The following BACH2 variants were observed in gnomAD, a reference collection of about 807,000 sequenced individuals.
BACH2 encodes the protein transcription regulator protein BACH2.
A neutral mutation model predicts 61.8 loss-of-function variants in BACH2; 5 were observed. The ratio of observed to expected loss-of-function variants is 0.08; its 90% CI spans 0.04 to 0.17. BACH2 has a LOEUF of 0.17. BACH2 is among the 10% of genes least tolerant of loss of function. The probability of loss-of-function intolerance (pLI) is 1.00; values close to 1 mark genes in which losing one functional copy is unlikely to be tolerated. For missense variants in BACH2, 824 were observed against 1,091.1 expected (o/e 0.76, Z 3.45); for synonymous variants, 446 against 440.1 (o/e 1.01, Z -0.17).
At chr6:90,056,150 T>A (rs1448663171) in intron 5 of BACH2, among the ~76,000 whole-genome samples, 2 of 152,202 alleles carry the variant, frequency 1.3e-5, no homozygotes, top group African/African-American at 4.8e-5. Flanking sequence ...ATGGGCTAAA[T>A]GCTCCAATTA....
At chr6:90,199,224 T>G (rs1562499954) in intron 4 of BACH2, among the ~76,000 whole-genome samples, 1 of 152,176 alleles carries the variant, frequency 6.6e-6, no homozygotes, top group African/African-American at 2.4e-5. Flanking sequence ...GATTTGGTGG[T>G]GAGCCATGCA....
chr6:90,295,650 G>A (rs1772324393), intron 1 of BACH2, among the ~76,000 whole-genome samples: 2 of 135,846 alleles, frequency 1.5e-5, no homozygotes, highest in African/African-American at 6.2e-5. Context: ...AGACTGGAGT[G>A]TAGGGTGTGT....
chr6:90,131,803 G>A (rs1357365567), intron 4 of BACH2, among the ~76,000 whole-genome samples: 1 of 152,172 alleles, frequency 6.6e-6, no homozygotes. Flanking sequence ...GAGGTCAGTG[G>A]GCCAGCTGCC....
intron 4 of BACH2, among the ~76,000 whole-genome samples, chr6:90,183,996 C>T (rs904586642): frequency 5.9e-5 from 9 of 152,168 alleles, no homozygotes; most frequent in Non-Finnish European, 1.3e-4. Flanking sequence ...CTATGTTAGA[C>T]AGGTGAGGAA....
intron 5 of BACH2, among the ~76,000 whole-genome samples, chr6:90,023,234 G>A (rs1285236447): frequency 6.6e-6 from 1 of 152,188 alleles, no homozygotes; most frequent in Non-Finnish European, 1.5e-5. Flanking sequence ...CAAATCTCAT[G>A]TTCAATTGTA....
chr6:89,986,109 G>A (rs751892606), intron 6 of BACH2, among the ~76,000 whole-genome samples: 135 of 152,272 alleles, frequency 8.9e-4, no homozygotes, highest in Non-Finnish European at 1.5e-3. Flanking sequence ...TGGCGGCGGC[G>A]AACTGAACTC....
chr6:90,043,352 G>C (rs953975903), intron 5 of BACH2, among the ~76,000 whole-genome samples: 2 of 152,090 alleles, frequency 1.3e-5, no homozygotes, highest in African/African-American at 2.4e-5. Context: ...TGTTATAACA[G>C]GAGTGGGTCT....
chr6:89,958,077 CCCTATTTGTAAGTTTTACT>C (rs1193181414), intron 6 of BACH2, among the ~76,000 whole-genome samples: 3 of 152,080 alleles, frequency 2.0e-5, no homozygotes, highest in African/African-American at 7.2e-5. Flanking sequence ...AAAATCCTTC[CCCTATTTGTAAGTTTTACT>C]CCTGAGACTC....
intron 6 of BACH2, among the ~76,000 whole-genome samples, chr6:89,972,949 G>A (rs1035442953): frequency 6.6e-6 from 1 of 152,156 alleles, no homozygotes; most frequent in Admixed American, 6.5e-5. Context: ...AATTAGCTGG[G>A]CATGGTGGCG....
In BACH2 at chr6:90,008,944, A is replaced by G; in HGVS notation, c.-12-88T>C. The stretch of plus-strand genomic sequence containing the variant: ...TCAGAGAGAGGAGGTGAGAAAGAAC[A>G]TCATGGTTCCTGTGTCCCACTGCCA... On this transcript the variant is annotated intron_variant, in intron 5 of 8. Coordinates refer to ENST00000257749, the MANE Select transcript of BACH2 (RefSeq NM_021813.4). This position sits in a 1 kb window ranked among gnomAD's most constrained non-coding sequence, Gnocchi z 4.1. 6.8e-7 allele frequency: 1 copy of G among 1,478,354 alleles called. No individual in the cohort carries two copies. Among genetic ancestry groups the G allele is most frequent in the Non-Finnish European group, 9.1e-7 (1 of 1,101,838 alleles). 91.6% of individuals were successfully genotyped at this position (1,478,354 alleles called of 1,614,324 possible). A position where few individuals can be genotyped will look rare whatever the true frequency, so the allele number is the denominator to read the frequency against.
intron 1 of BACH2, among the ~76,000 whole-genome samples, chr6:90,286,014 G>GT (rs1431309403): frequency 2.0e-5 from 3 of 152,176 alleles, no homozygotes; most frequent in Non-Finnish European, 4.4e-5. Context: ...TCAAAAAGAA[G>GT]TAACAACTAA....
chr6:90,294,973 T>A (rs1267450904), intron 1 of BACH2, among the ~76,000 whole-genome samples: 1 of 152,252 alleles, frequency 6.6e-6, no homozygotes, highest in Non-Finnish European at 1.5e-5. Context: ...AGGAAAGGAT[T>A]TTTATCTAAA....
At chr6:89,996,635 C>T (rs926293915) in intron 6 of BACH2, among the ~76,000 whole-genome samples, 1 of 152,092 alleles carries the variant, frequency 6.6e-6, no homozygotes, top group South Asian at 2.1e-4. Flanking sequence ...GGTCTCTCCC[C>T]ACTTGCTCCC....
chr6:90,135,515 A>C (rs1377570632), intron 4 of BACH2, among the ~76,000 whole-genome samples: 1 of 152,102 alleles, frequency 6.6e-6, no homozygotes. Flanking sequence ...ATCGCTTGAG[A>C]CCAGCCTAGG....
chr6:89,961,929 A>G (rs1468564492), intron 6 of BACH2, among the ~76,000 whole-genome samples: 3 of 152,188 alleles, frequency 2.0e-5, no homozygotes, highest in Non-Finnish European at 4.4e-5. Context: ...TCCTCCCAGT[A>G]TCTATTGATA....
intron 5 of BACH2, among the ~76,000 whole-genome samples, chr6:90,034,250 T>C (rs1779157059): frequency 6.6e-6 from 1 of 152,220 alleles, no homozygotes; most frequent in African/African-American, 2.4e-5. Context: ...TTGACCGTAT[T>C]TGAAATCTAT....
intron 7 of BACH2, among the ~76,000 whole-genome samples, chr6:89,940,067 G>C (rs1387867940): frequency 1.3e-5 from 2 of 151,942 alleles, no homozygotes; most frequent in Non-Finnish European, 2.9e-5. Context: ...CTGGAGTAGA[G>C]TGGCACGATT....
chr6:90,293,324 G>A (rs752827319), intron 1 of BACH2, among the ~76,000 whole-genome samples: 1 of 152,056 alleles, frequency 6.6e-6, no homozygotes, highest in Admixed American at 6.6e-5. Flanking sequence ...AGAGTAGAGG[G>A]GCCAGGCACA....
At chr6:90,238,194 G>GA in intron 3 of BACH2, among the ~76,000 whole-genome samples, 1 of 152,298 alleles carries the variant, frequency 6.6e-6, no homozygotes, top group Non-Finnish European at 1.5e-5. Flanking sequence ...CCATTAGGGG[G>GA]AAAAATGTAT....
Sources: gnomAD v4.1 joint callset for allele counts (sites outside exome capture counted in the v4.1 genomes callset) on GRCh38, gnomAD v4.1.1 for gene constraint, Gnocchi (gnomAD v3.1) non-coding constraint, MANE v1.5 for transcripts, NCBI Gene and HGNC (gene_info 2026-07-23, HGNC 2026-07-21) for gene names.